The following EYA2 variants were observed in gnomAD, a reference collection of about 807,000 sequenced individuals.
EYA2 encodes EYA transcriptional coactivator and phosphatase 2, also known as protein phosphatase EYA2.
In EYA2, 31 loss-of-function variants were observed where a neutral mutation model predicts 69.2. The ratio of observed to expected loss-of-function variants is 0.45; its 90% confidence interval spans 0.34 to 0.60. The LOEUF is 0.60. Ranked by LOEUF, EYA2 falls within the 20% of genes least tolerant of loss-of-function variation. The pLI is 0.02. For missense variants in EYA2, 622 were observed against 701.2 expected (o/e 0.89, Z 1.28); for synonymous variants, 257 against 279.4 (o/e 0.92, Z 0.80).
rs6018263 is a variant in EYA2, at chr20:47,080,425, G to A, written c.661+6090G>A. Among the ~76,000 whole-genome samples the A allele has an allele frequency of 4.8e-3, 630 of 131,288 alleles. 8 individuals carry two copies. Among genetic ancestry groups the A allele is most frequent in the African/African-American group, 0.016 (536 of 33,586 alleles). 86.1% of individuals were successfully genotyped at this position (131,288 alleles called of 152,430 possible). ...ACAGGTATCAGGTGAAGGAAGGGAG[G>A]GAGGGAAATGAGGGAGGGGGGAGGG... is the stretch of plus-strand genomic sequence containing the variant. On this transcript the variant is annotated intron_variant, in intron 7 of 15. Coordinates refer to ENST00000327619, the MANE Select transcript of EYA2 (RefSeq NM_005244.5).
intron 1 of EYA2, among the ~76,000 whole-genome samples, chr20:46,988,840 C>CT (rs1245638752): frequency 6.6e-6 from 1 of 152,102 alleles, no homozygotes; most frequent in Non-Finnish European, 1.5e-5. Context: ...GTAGCTGGGA[C>CT]TACAGGCATG....
intron 1 of EYA2, among the ~76,000 whole-genome samples, chr20:46,926,055 T>G (rs969879429): frequency 6.6e-6 from 1 of 152,208 alleles, no homozygotes; most frequent in African/African-American, 2.4e-5. Context: ...GGAGGTAATA[T>G]AGCATGCTAC....
At chr20:47,073,721 G>A (rs745942700) in intron 6 of EYA2, among the ~76,000 whole-genome samples, 6 of 152,056 alleles carry the variant, frequency 3.9e-5, no homozygotes, top group Non-Finnish European at 5.9e-5. Flanking sequence ...TAGAACCAGT[G>A]CACGGGGCAG....
At chr20:47,167,251 A>G (rs1025647361) in intron 10 of EYA2, among the ~76,000 whole-genome samples, 13 of 149,792 alleles carry the variant, frequency 8.7e-5, no homozygotes, top group Non-Finnish European at 1.2e-4. Context: ...TCTGGAGGTC[A>G]GGCTCTGAGA....
At chr20:46,959,372 G>A (rs1192279690) in intron 1 of EYA2, among the ~76,000 whole-genome samples, 2 of 152,314 alleles carry the variant, frequency 1.3e-5, no homozygotes, top group South Asian at 2.1e-4. Flanking sequence ...GTGCATTGTA[G>A]CATTAGTTTA....
chr20:46,984,058 TG>T (rs1249049436), intron 1 of EYA2, among the ~76,000 whole-genome samples: 4 of 152,238 alleles, frequency 2.6e-5, no homozygotes, highest in Non-Finnish European at 4.4e-5. Context: ...GGCTTATTTT[TG>T]TTTTCTTCAA....
At chr20:47,168,048 A>T (rs1037940375) in intron 10 of EYA2, among the ~76,000 whole-genome samples, 1 of 152,108 alleles carries the variant, frequency 6.6e-6, no homozygotes, top group Non-Finnish European at 1.5e-5. Flanking sequence ...CTCTTCCAAA[A>T]GTGCCAGCCA....
chr20:46,936,692 C>A (rs1004992062), intron 1 of EYA2, among the ~76,000 whole-genome samples: 2 of 152,172 alleles, frequency 1.3e-5, no homozygotes, highest in African/African-American at 4.8e-5. Flanking sequence ...AACCCTTCTC[C>A]CAGCAGAACA....
At chr20:47,151,009 C>T (rs980275791) in intron 10 of EYA2, among the ~76,000 whole-genome samples, 8 of 152,034 alleles carry the variant, frequency 5.3e-5, no homozygotes, top group African/African-American at 1.9e-4. Context: ...CATCCTGACA[C>T]CTTTCCTCGG....
intron 5 of EYA2, among the ~76,000 whole-genome samples, chr20:47,048,600 G>A (rs1460766403): frequency 6.6e-6 from 1 of 152,196 alleles, no homozygotes; most frequent in Non-Finnish European, 1.5e-5. Flanking sequence ...GCTGGGCGTG[G>A]TGGCATGCAC....
chr20:46,920,656 T>G (rs1985138061), intron 1 of EYA2, among the ~76,000 whole-genome samples: 1 of 152,228 alleles, frequency 6.6e-6, no homozygotes, highest in Non-Finnish European at 1.5e-5. Flanking sequence ...CCCCTCTGAC[T>G]TCTTTCCAAG....
chr20:47,151,607 C>T (rs1332191899), intron 10 of EYA2, among the ~76,000 whole-genome samples: 2 of 151,962 alleles, frequency 1.3e-5, no homozygotes, highest in South Asian at 2.1e-4. Flanking sequence ...AAGGCCTCGC[C>T]AGTTCCTATG....
At chr20:47,157,436 C>T (rs2033976342) in intron 10 of EYA2, among the ~76,000 whole-genome samples, 1 of 147,224 alleles carries the variant, frequency 6.8e-6, no homozygotes, top group Admixed American at 6.8e-5. Flanking sequence ...TTGGCATTTA[C>T]AGTCCTAAAT....
In EYA2 at chr20:47,020,915, G is replaced by A. The variant is rs930225854; in HGVS notation, c.415+4618G>A. On this transcript the variant is annotated intron_variant, in intron 5 of 15. Transcript: ENST00000327619. ...GCATGGTAGTTAAAAACAACTAAAA[G>A]CAGGGACTCTGAAGTCAGGTTGAGT... 1.1e-4 allele frequency among the ~76,000 whole-genome samples: 16 copies of A among 152,134 alleles called. No homozygotes were observed. In the East Asian group the frequency reaches 3.1e-3, roughly 29 times the overall value.
chr20:46,988,255 G>T (rs942423085), intron 1 of EYA2, among the ~76,000 whole-genome samples: 1 of 151,330 alleles, frequency 6.6e-6, no homozygotes, highest in Non-Finnish European at 1.5e-5. Flanking sequence ...ATACTGAGGG[G>T]CAGCTGTATT....
At chr20:47,091,501 G>A (rs570019165) in intron 8 of EYA2, among the ~76,000 whole-genome samples, 1 of 151,432 alleles carries the variant, frequency 6.6e-6, no homozygotes, top group East Asian at 1.9e-4. Flanking sequence ...CACTTTCAGA[G>A]GCCGAGGTGG....
intron 1 of EYA2, among the ~76,000 whole-genome samples, chr20:46,973,271 A>G (rs1465193734): frequency 6.6e-6 from 1 of 152,244 alleles, no homozygotes; most frequent in Non-Finnish European, 1.5e-5. Context: ...CAAATACAGA[A>G]CGTGAGATAT....
intron 1 of EYA2, among the ~76,000 whole-genome samples, chr20:46,917,926 G>A (rs2146233472): frequency 6.6e-6 from 1 of 152,290 alleles, no homozygotes; most frequent in East Asian, 1.9e-4. Flanking sequence ...GAAGTTTGCT[G>A]CATTGATGAA....
At chr20:47,094,578 A>G (rs2032189409) in intron 8 of EYA2, among the ~76,000 whole-genome samples, 1 of 152,226 alleles carries the variant, frequency 6.6e-6, no homozygotes, top group Admixed American at 6.5e-5. Flanking sequence ...TAATACAGCC[A>G]TTGACCTCCA....
Sources: allele counts gnomAD v4.1 joint callset (sites outside exome capture counted in the v4.1 genomes callset), GRCh38; gene constraint gnomAD v4.1.1; transcripts MANE v1.5; gene names NCBI Gene and HGNC (gene_info 2026-07-23, HGNC 2026-07-21).